The following ZNF195 variants were observed in gnomAD, a reference collection of about 807,000 sequenced individuals.
ZNF195 encodes hypoxia-regulated factor-1.
Under a neutral mutation model 19.5 loss-of-function variants are expected in ZNF195, and 11 were observed. The observed-to-expected ratio is 0.57, with a 90% CI of 0.36 to 0.94. ZNF195 has a LOEUF of 0.94. Ranked by LOEUF, ZNF195 falls within the 40% of genes least tolerant of loss-of-function variation. The probability of loss-of-function intolerance (pLI) is 0.01; values close to 1 mark genes in which losing one functional copy is unlikely to be tolerated. For missense variants in ZNF195, 582 were observed against 709.0 expected (o/e 0.82, Z 2.03); for synonymous variants, 214 against 248.1 (o/e 0.86, Z 1.29).
intron 3 of ZNF195, among the ~76,000 whole-genome samples, chr11:3,366,093 TA>T (rs534213209): frequency 0.041 from 5,861 of 141,708 alleles, 194 homozygotes; most frequent in African/African-American, 0.09. Flanking sequence ...CCATCTCTAC[TA>T]AAAAAAAAAA....
chr11:3,372,361 C>T (rs548654698), intron 1 of ZNF195, among the ~76,000 whole-genome samples: 48 of 152,286 alleles, frequency 3.2e-4, no homozygotes, highest in Admixed American at 1.7e-3. Context: ...ATAAACTCCA[C>T]AATGGAAAAT....
rs1848471135 is a variant in ZNF195 at position 3,358,219 on chromosome 11, G to GT, written c.*898dup. The stretch of plus-strand genomic sequence containing the variant: ...TTACTGGAGGGATCAGTGAAGGGGG[G>GT]TTTGTTTTTTGCCCTGGGGTAGCTG... On this transcript the variant is annotated 3_prime_UTR_variant, in exon 6 of 6. Transcript: ENST00000399602. 6.6e-6 allele frequency: 1 copy of GT among 152,158 alleles called. No individual in the cohort carries two copies. The highest frequency in any genetic ancestry group is 1.5e-5 in the Non-Finnish European group (1 of 68,068). 9.4% of individuals were successfully genotyped at this position (152,158 alleles called of 1,614,324 possible).
chr11:3,359,878 G>A lies in ZNF195; in HGVS notation c.1130C>T (p.Ala377Val). 1 of 1,614,170 alleles carries A rather than the reference G, an allele frequency of 6.2e-7. No individual in the cohort carries two copies. The highest frequency in any genetic ancestry group is 8.5e-7 in the Non-Finnish European group (1 of 1,180,034). ...TTCACATTTGGAGAGCTTCTCTCCA[G>A]CAAGAATCATCTGTTGATTAGAAAG... ...SSLSNQQMIL[A>V]GEKLSKCETW... is the part of the protein sequence containing the mutation. Residue 377 changes from alanine to valine, a missense_variant, in exon 6 of 6, where the codon GCT becomes GTT. Transcript: ENST00000399602. The surrounding 1 kb of genome is among the most constrained non-coding windows in gnomAD (Gnocchi z 5.5).
chr11:3,372,679 A>G (rs970544845), intron 1 of ZNF195, among the ~76,000 whole-genome samples: 33 of 152,144 alleles, frequency 2.2e-4, no homozygotes, highest in Admixed American at 2.0e-3. Context: ...AATATCTCCT[A>G]TGTTCTGACA....
intron 1 of ZNF195, among the ~76,000 whole-genome samples, chr11:3,378,588 T>C (rs1849587764): frequency 6.6e-6 from 1 of 152,242 alleles, no homozygotes. Flanking sequence ...TAAAAGCCTT[T>C]CCTTCAAGGC....
intron 3 of ZNF195, among the ~76,000 whole-genome samples, chr11:3,366,033 G>A (rs1156974770): frequency 6.6e-6 from 1 of 151,964 alleles, no homozygotes; most frequent in African/African-American, 2.4e-5. Flanking sequence ...CGAGGCGGGT[G>A]GATCACGAGG....
chr11:3,367,705 T>C (rs944111654), intron 3 of ZNF195, among the ~76,000 whole-genome samples: 4 of 152,058 alleles, frequency 2.6e-5, no homozygotes, highest in African/African-American at 9.7e-5. Flanking sequence ...GTCACTGATA[T>C]ATAAAATAAA....
chr11:3,371,754 G>C (rs893954240), intron 1 of ZNF195, 51 bp from the exon 2 acceptor site: 4 of 1,544,752 alleles, frequency 2.6e-6, no homozygotes, highest in Non-Finnish European at 2.6e-6. Context: ...GGTGAAATGA[G>C]CGAGTGAAGA....
intron 1 of ZNF195, among the ~76,000 whole-genome samples, chr11:3,374,767 A>T (rs982126342): frequency 6.6e-6 from 1 of 152,230 alleles, no homozygotes; most frequent in Non-Finnish European, 1.5e-5. Context: ...AGACCAATGG[A>T]AGGGATACAG....
intron 3 of ZNF195, among the ~76,000 whole-genome samples, chr11:3,367,322 A>C (rs1848945037): frequency 6.6e-6 from 1 of 152,084 alleles, no homozygotes; most frequent in Admixed American, 6.5e-5. Context: ...ATATGGAATT[A>C]CAAAACACTA....
At chr11:3,377,304 C>T (rs922978575) in intron 1 of ZNF195, among the ~76,000 whole-genome samples, 2 of 152,194 alleles carry the variant, frequency 1.3e-5, no homozygotes, top group African/African-American at 4.8e-5. Flanking sequence ...TATTCTATTC[C>T]TTGGGAGATT....
intron 3 of ZNF195, chr11:3,362,733 C>A: frequency 2.9e-6 from 1 of 347,406 alleles, no homozygotes; most frequent in East Asian, 3.9e-5. Context: ...TAAAGTACAT[C>A]TTTTCATTTC....
chr11:3,369,402 G>A (rs1474296059), intron 3 of ZNF195: 2 of 413,200 alleles, frequency 4.8e-6, no homozygotes, highest in African/African-American at 4.1e-5. Flanking sequence ...TAACTGAAGG[G>A]AATAAAAGCA....
chr11:3,379,070 A>G lies in ZNF195; in HGVS notation c.-30T>C, dbSNP rs1010490819. On this transcript the variant is annotated 5_prime_UTR_variant, in exon 1 of 6. Transcript: ENST00000399602. ...TGGCCTCCAGAGAGCCTGGCGTTTC[A>G]CTTCTGGATCTCCCGGTGCCTGCGG... 98 of 1,493,258 alleles carry G rather than the reference A, an allele frequency of 6.6e-5. No individual in the cohort carries two copies. Among genetic ancestry groups the G allele is most frequent in the Middle Eastern group, 1.8e-4 (1 of 5,678 alleles). The allele number at this position is 1,493,258 out of a possible 1,614,324, so 92.5% of individuals were successfully genotyped here.
chr11:3,377,490 C>T, intron 1 of ZNF195: 1 of 806,580 alleles, frequency 1.2e-6, no homozygotes, highest in Non-Finnish European at 1.6e-6. Context: ...ATCTGAGAGT[C>T]CAAAGGGCAG....
Position 3,372,971 on chromosome 11 carries a change from C to T in ZNF195, c.4-1268G>A, listed in dbSNP as rs371022354. On this transcript the variant is annotated intron_variant, in intron 1 of 5. Transcript: ENST00000399602. ...CTGGTCTCGAACTCCTGGCCCCAAG[C>T]GATCTGCCCACCTAGGCCTCCCAAA... is the stretch of plus-strand genomic sequence containing the variant. Among the ~76,000 whole-genome samples, 14 of 152,318 alleles carry T rather than the reference C, an allele frequency of 9.2e-5. No homozygotes were observed. In the East Asian group the frequency reaches 9.7e-4, roughly 11 times the overall value.
chr11:3,374,363 C>G (rs3794187), intron 1 of ZNF195, among the ~76,000 whole-genome samples: 19,960 of 152,182 alleles, frequency 0.13, 1,678 homozygotes, highest in East Asian at 0.42. Flanking sequence ...CCAGCACAGT[C>G]CCTTACACCC....
rs188209863 is a variant in ZNF195 at position 3,360,392 on chromosome 11, G to T, written c.616C>A (p.Gln206Lys). Residue 206 changes from glutamine (Q) to lysine (K), a missense_variant, in exon 6 of 6, where the codon CAA becomes AAA. Physicochemically the swap from Gln to Lys is moderately conservative, Grantham distance 53. Around this residue, in one of 3 missense-constraint regions of ZNF195, gnomAD observed 407 missense variants for 530.5 expected, o/e 0.77. Transcript: ENST00000399602. ...KLQKDYNGLN[Q>K]CSSTTHSKIF... ...TTGCTATGGGTAGTTGATGAACATT[G>T]GTTAAGTCCATTATAATCTTTTTGC... The T allele has an allele frequency of 2.5e-6, 4 of 1,610,764 alleles. No homozygotes were observed. In the African/African-American group the frequency reaches 5.4e-5, roughly 22 times the overall value.
intron 1 of ZNF195, chr11:3,377,842 C>T (rs1013839158): frequency 1.0e-6 from 1 of 988,118 alleles, no homozygotes; most frequent in Non-Finnish European, 1.2e-6. Flanking sequence ...AGCAAATCAC[C>T]CTGTCAAGTT....
Sources: allele counts gnomAD v4.1 joint callset (sites outside exome capture counted in the v4.1 genomes callset), GRCh38; gene constraint gnomAD v4.1.1; regional missense constraint gnomAD v4.1.1; non-coding constraint Gnocchi (gnomAD v3.1); transcripts MANE v1.5; gene names NCBI Gene and HGNC (gene_info 2026-07-23, HGNC 2026-07-21).